Variants in NRG3 observed in about 807,000 individuals in gnomAD.
The protein encoded by NRG3 is pro-neuregulin-3, membrane-bound isoform.
In NRG3, 31 loss-of-function variants were observed where a neutral mutation model predicts 66.9. The ratio of observed to expected loss-of-function variants is 0.46; its 90% CI spans 0.35 to 0.63. NRG3 has a LOEUF of 0.63. Among genes scored for constraint, NRG3 ranks in the 20% least tolerant of loss-of-function variants. The pLI, the probability that NRG3 is intolerant of heterozygous loss-of-function variation, is 0.00. For missense variants in NRG3, 910 were observed against 878.9 expected, an observed-to-expected ratio of 1.04 and a Z score of -0.45; for synonymous variants, 393 against 359.4, an observed-to-expected ratio of 1.09 and a Z score of -1.06.
At chr10:81,884,901 C>T (rs1179247192) in intron 1 of NRG3, among the ~76,000 whole-genome samples, 1 of 152,150 alleles carries the variant, frequency 6.6e-6, no homozygotes. Context: ...CAAAAATTTC[C>T]TTGTGTTCTC....
At chr10:82,640,548 T>C (rs2050500218) in intron 2 of NRG3, among the ~76,000 whole-genome samples, 2 of 152,176 alleles carry the variant, frequency 1.3e-5, no homozygotes, top group Admixed American at 1.3e-4. Flanking sequence ...AAGCCCATCT[T>C]TGTGTTTAGA....
chr10:82,594,411 A>T (rs931543080), intron 2 of NRG3, among the ~76,000 whole-genome samples: 3 of 152,134 alleles, frequency 2.0e-5, no homozygotes, highest in Non-Finnish European at 4.4e-5. Flanking sequence ...TGCCATAACA[A>T]GTTTTGTAAT....
At chr10:82,680,086 C>T (rs1012445575) in intron 2 of NRG3, among the ~76,000 whole-genome samples, 7 of 152,088 alleles carry the variant, frequency 4.6e-5, no homozygotes, top group East Asian at 3.9e-4. Flanking sequence ...ATGAATTTTA[C>T]CAATCACCAA....
intron 2 of NRG3, among the ~76,000 whole-genome samples, chr10:82,636,378 C>G (rs553734708): frequency 6.6e-6 from 1 of 151,954 alleles, no homozygotes; most frequent in Non-Finnish European, 1.5e-5. Flanking sequence ...CCAAAAGAAA[C>G]CAGTTTGTCC....
intron 1 of NRG3, among the ~76,000 whole-genome samples, chr10:82,226,670 C>T (rs757166694): frequency 6.6e-6 from 1 of 152,030 alleles, no homozygotes; most frequent in Non-Finnish European, 1.5e-5. Context: ...ATGTTTGAAT[C>T]CATCTTTGTA....
intron 1 of NRG3, among the ~76,000 whole-genome samples, chr10:82,192,162 A>T (rs1450741833): frequency 6.6e-6 from 1 of 152,104 alleles, no homozygotes; most frequent in Admixed American, 6.6e-5. Flanking sequence ...ATTGTCAGTA[A>T]CTCAGTGCAA....
intron 3 of NRG3, among the ~76,000 whole-genome samples, chr10:82,822,873 A>C (rs2062013327): frequency 6.6e-6 from 1 of 151,852 alleles, no homozygotes; most frequent in Admixed American, 6.6e-5. Context: ...CTAAAGCTCA[A>C]AGCTTCAAAA....
chr10:82,640,790 G>A (rs527382616), intron 2 of NRG3, among the ~76,000 whole-genome samples: 2 of 152,222 alleles, frequency 1.3e-5, no homozygotes, highest in African/African-American at 2.4e-5. Flanking sequence ...TCTACTTCAA[G>A]TGGTAGATAA....
chr10:82,654,031 T>C (rs1228302583), intron 2 of NRG3, among the ~76,000 whole-genome samples: 1 of 152,160 alleles, frequency 6.6e-6, no homozygotes, highest in Admixed American at 6.5e-5. Flanking sequence ...ACAGAGCAGT[T>C]AGACAAGAGC....
chr10:82,336,304 A>C (rs1288038759), intron 1 of NRG3, among the ~76,000 whole-genome samples: 1 of 152,166 alleles, frequency 6.6e-6, no homozygotes. Context: ...GATATCAAAG[A>C]AAATGACTGT....
rs142370855 is a variant in NRG3 at position 82,976,132 on chromosome 10, T to C, written c.1412+2217T>C. Among the ~76,000 whole-genome samples, 357 of 152,262 alleles carry C rather than the reference T, an allele frequency of 2.3e-3. 1 individual carries two copies. Among genetic ancestry groups the C allele is most frequent in the African/African-American group, 8.1e-3 (335 of 41,548 alleles). ...GTGCAGTGGTGTGATCTTGGCTCACTGCAACCTCCAGCTCCTGAGTTCAAG... is the reference window on the plus strand; with the variant it reads ...GTGCAGTGGTGTGATCTTGGCTCACCGCAACCTCCAGCTCCTGAGTTCAAG... On this transcript the variant is annotated intron_variant, in intron 7 of 8. Coordinates refer to ENST00000372141, the MANE Select transcript of NRG3 (RefSeq NM_001010848.4).
At chr10:82,732,319 C>T (rs1451368319) in intron 2 of NRG3, among the ~76,000 whole-genome samples, 1 of 151,968 alleles carries the variant, frequency 6.6e-6, no homozygotes, top group Non-Finnish European at 1.5e-5. Context: ...GAATAATTTA[C>T]AAATCTAGGT....
At chr10:82,735,460 G>T (rs760165988) in intron 2 of NRG3, among the ~76,000 whole-genome samples, 4 of 152,128 alleles carry the variant, frequency 2.6e-5, no homozygotes, top group Non-Finnish European at 5.9e-5. Context: ...ATGCACAAGT[G>T]TTTTTATTGC....
At chr10:81,907,817 A>G (rs980080677) in intron 1 of NRG3, among the ~76,000 whole-genome samples, 3 of 152,122 alleles carry the variant, frequency 2.0e-5, no homozygotes, top group Non-Finnish European at 4.4e-5. Flanking sequence ...ACTCCTTGAT[A>G]CCCTTCTTCC....
At chr10:82,903,252 A>G (rs1048204259) in intron 4 of NRG3, among the ~76,000 whole-genome samples, 1 of 152,122 alleles carries the variant, frequency 6.6e-6, no homozygotes, top group East Asian at 1.9e-4. Context: ...GGTGAGCCCA[A>G]ATGTTGAGCG....
intron 1 of NRG3, among the ~76,000 whole-genome samples, chr10:82,035,115 T>A (rs964300813): frequency 1.3e-5 from 2 of 152,054 alleles, no homozygotes; most frequent in Non-Finnish European, 2.9e-5. Flanking sequence ...CTTGCACATA[T>A]GCTTCCAGAT....
At chr10:82,620,440 C>T (rs1283887414) in intron 2 of NRG3, among the ~76,000 whole-genome samples, 1 of 152,116 alleles carries the variant, frequency 6.6e-6, no homozygotes, top group Non-Finnish European at 1.5e-5. Context: ...GGCAGATAAT[C>T]TTCCCTGAAG....
chr10:82,201,271 G>A (rs964110809), intron 1 of NRG3, among the ~76,000 whole-genome samples: 1 of 151,306 alleles, frequency 6.6e-6, no homozygotes, highest in Non-Finnish European at 1.5e-5. Context: ...CTCTAGAAAG[G>A]CCTGGACTCC....
At chr10:82,048,354 GC>G (rs903726945) in intron 1 of NRG3, among the ~76,000 whole-genome samples, 7 of 151,862 alleles carry the variant, frequency 4.6e-5, no homozygotes, top group African/African-American at 1.7e-4. Context: ...TGGAAGTAAA[GC>G]TCTCCTCAGC....
Sources: allele counts gnomAD v4.1 joint callset (sites outside exome capture counted in the v4.1 genomes callset), GRCh38; gene constraint gnomAD v4.1.1; transcripts MANE v1.5; gene names NCBI Gene and HGNC (gene_info 2026-07-23, HGNC 2026-07-21).